IL1RAPL1: variants seen among roughly 807,000 people sequenced by gnomAD.
IL1RAPL1 encodes interleukin-1 receptor accessory protein-like 1.
A neutral mutation model predicts 48.4 loss-of-function variants in IL1RAPL1; 3 were observed. The observed-to-expected ratio is 0.06, with a 90% CI of 0.03 to 0.16. The LOEUF (loss-of-function observed/expected upper bound fraction) is 0.16, where lower values mean the gene tolerates loss of function less well. Ranked by LOEUF, IL1RAPL1 falls within the 10% of genes least tolerant of loss-of-function variation. The pLI is 1.00. For synonymous variants in IL1RAPL1, 185 were observed against 187.7 expected (o/e 0.99, Z 0.12); for missense variants, 349 against 530.6 (o/e 0.66, Z 3.36).
chrX:29,821,663 A>G (rs184928831), intron 6 of IL1RAPL1, among the ~76,000 whole-genome samples: 112 of 110,922 alleles, frequency 1.0e-3, no homozygotes, highest in African/African-American at 3.7e-3. Context: ...TCACATGGCT[A>G]GAACTGTATC....
intron 5 of IL1RAPL1, among the ~76,000 whole-genome samples, chrX:29,630,420 C>T (rs752466301): frequency 3.6e-5 from 4 of 111,602 alleles, no homozygotes; most frequent in Non-Finnish European, 7.5e-5. Context: ...GGAAGGACTT[C>T]GTTGCTGTAG....
At chrX:29,276,346 A>G (rs1406276770) in intron 2 of IL1RAPL1, among the ~76,000 whole-genome samples, 1 of 112,278 alleles carries the variant, frequency 8.9e-6, no homozygotes, top group Non-Finnish European at 1.9e-5. Flanking sequence ...TCAGTAAACT[A>G]TGTTTAATAT....
At chrX:28,722,172 A>AC (rs1266979939) in intron 1 of IL1RAPL1, among the ~76,000 whole-genome samples, 1 of 111,528 alleles carries the variant, frequency 9.0e-6, no homozygotes, top group East Asian at 2.8e-4. Context: ...TTGAATCTGT[A>AC]AATTACCTTG....
intron 2 of IL1RAPL1, among the ~76,000 whole-genome samples, chrX:28,955,894 C>T (rs1235104476): frequency 1.5e-4 from 11 of 71,691 alleles, no homozygotes; most frequent in Non-Finnish European, 1.1e-4. Flanking sequence ...ATTCTTCCTA[C>T]CCATGAGCAT....
At chrX:29,709,953 C>T (rs1417732462) in intron 6 of IL1RAPL1, among the ~76,000 whole-genome samples, 1 of 111,621 alleles carries the variant, frequency 9.0e-6, no homozygotes, top group East Asian at 2.8e-4. Flanking sequence ...ATTTCTTTTT[C>T]AGATAGCTCA....
intron 2 of IL1RAPL1, among the ~76,000 whole-genome samples, chrX:29,251,230 T>C (rs1389419475): frequency 2.7e-5 from 3 of 112,861 alleles, no homozygotes; most frequent in Non-Finnish European, 5.6e-5. Context: ...GTCTAAATTC[T>C]GTATCTTTTA....
intron 5 of IL1RAPL1, among the ~76,000 whole-genome samples, chrX:29,632,176 T>G (rs1240657596): frequency 9.4e-6 from 1 of 106,805 alleles, no homozygotes. Context: ...TGAGACAGAG[T>G]CTCACTCTGT....
intron 3 of IL1RAPL1, among the ~76,000 whole-genome samples, chrX:29,325,688 T>C (rs1214668951): frequency 8.9e-6 from 1 of 112,255 alleles, no homozygotes; most frequent in Non-Finnish European, 1.9e-5. Flanking sequence ...TTAGTCCATT[T>C]GTGTTGCTCT....
At position 28,876,694 on chromosome X, in the gene IL1RAPL1, T is replaced by G. The variant is rs181677150; in HGVS notation, c.82+87269T>G. Among the ~76,000 whole-genome samples the G allele has an allele frequency of 3.6e-5, 4 of 110,911 alleles. No individual in the cohort carries two copies. In the East Asian group the frequency reaches 1.1e-3, roughly 31 times the overall value. The stretch of plus-strand genomic sequence containing the variant: ...AAACCTGCAAGCTGCAGTTCATTTG[T>G]GTATCCATGCTTAATTTAATTCTTA... On this transcript the variant is annotated intron_variant, in intron 2 of 10. Coordinates refer to ENST00000378993, the MANE Select transcript of IL1RAPL1 (RefSeq NM_014271.4).
chrX:28,835,366 A>T (rs959093445), intron 2 of IL1RAPL1, among the ~76,000 whole-genome samples: 2 of 111,090 alleles, frequency 1.8e-5, no homozygotes, highest in African/African-American at 6.5e-5. Context: ...AAGAATTTCA[A>T]TAGAGATTTC....
chrX:28,900,944 C>G (rs1036045655), intron 2 of IL1RAPL1, among the ~76,000 whole-genome samples: 11 of 111,911 alleles, frequency 9.8e-5, no homozygotes, highest in Admixed American at 5.7e-4. Flanking sequence ...AAAACATATA[C>G]TAGGTCCATT....
chrX:29,174,202 G>A (rs1304615456), intron 2 of IL1RAPL1, among the ~76,000 whole-genome samples: 1 of 111,302 alleles, frequency 9.0e-6, no homozygotes, highest in African/African-American at 3.3e-5. Flanking sequence ...GGGATTACAG[G>A]TGTGAGCCAC....
At chrX:29,713,767 G>A (rs1026153708) in intron 6 of IL1RAPL1, among the ~76,000 whole-genome samples, 2 of 112,094 alleles carry the variant, frequency 1.8e-5, no homozygotes, top group African/African-American at 6.5e-5. Context: ...AATAAAGGAT[G>A]CAGATGCTAT....
chrX:29,775,669 T>C (rs1011992595), intron 6 of IL1RAPL1, among the ~76,000 whole-genome samples: 1 of 111,171 alleles, frequency 9.0e-6, no homozygotes. Context: ...TAGTCCTAGA[T>C]CTGAGGGAAC....
At chrX:29,462,189 G>C (rs183086266) in intron 5 of IL1RAPL1, among the ~76,000 whole-genome samples, 25 of 111,222 alleles carry the variant, frequency 2.2e-4, no homozygotes, top group Non-Finnish European at 4.1e-4. Context: ...GAAATTGTAT[G>C]GTTCTATTTA....
chrX:29,859,601 C>A (rs1471553544), intron 6 of IL1RAPL1, among the ~76,000 whole-genome samples: 3 of 111,711 alleles, frequency 2.7e-5, no homozygotes, highest in Non-Finnish European at 5.7e-5. Flanking sequence ...AAATAATTTC[C>A]ACATAAAAAT....
chrX:29,906,487 AT>A, intron 6 of IL1RAPL1, among the ~76,000 whole-genome samples: 1 of 34,065 alleles, frequency 2.9e-5, no homozygotes, highest in Non-Finnish European at 5.0e-5. Context: ...ATATATATAT[AT>A]ATATATATAT....
chrX:29,426,550 C>A (rs566021989), intron 5 of IL1RAPL1, among the ~76,000 whole-genome samples: 1 of 111,436 alleles, frequency 9.0e-6, no homozygotes, highest in African/African-American at 3.3e-5. Context: ...CTACCTAATA[C>A]GTGTAATGTT....
chrX:29,209,077 A>T (rs1930722011), intron 2 of IL1RAPL1, among the ~76,000 whole-genome samples: 2 of 112,108 alleles, frequency 1.8e-5, no homozygotes, highest in Non-Finnish European at 3.8e-5. Context: ...TGCCATGTTG[A>T]TAGCACTGCC....
Sources: allele counts gnomAD v4.1 joint callset (sites outside exome capture counted in the v4.1 genomes callset), GRCh38; gene constraint gnomAD v4.1.1; transcripts MANE v1.5; gene names NCBI Gene and HGNC (gene_info 2026-07-23, HGNC 2026-07-21).